The following PARD3B variants were observed in gnomAD, a reference collection of about 807,000 sequenced individuals.
PARD3B encodes partitioning defective 3 homolog B.
A neutral mutation model predicts 130.2 loss-of-function variants in PARD3B; 103 were observed. The observed-to-expected ratio is 0.79, with a 90% CI of 0.67 to 0.93. PARD3B has a LOEUF of 0.93. Among genes scored for constraint, PARD3B ranks in the 40% least tolerant of loss-of-function variants. PARD3B has a pLI of 0.00. For missense variants in PARD3B, 1,609 were observed against 1,499.2 expected, an observed-to-expected ratio of 1.07 and a Z score of -1.21; for synonymous variants, 583 against 553.2, an observed-to-expected ratio of 1.05 and a Z score of -0.76.
At chr2:205,135,079 A>G (rs1347343189) in intron 10 of PARD3B, among the ~76,000 whole-genome samples, 2 of 152,184 alleles carry the variant, frequency 1.3e-5, no homozygotes, top group African/African-American at 4.8e-5. Flanking sequence ...GGCTATGATT[A>G]TGCTTCTGGA....
chr2:205,187,048 G>A lies in PARD3B; in HGVS notation c.2024+1185G>A, dbSNP rs57248073. 0.045 allele frequency among the ~76,000 whole-genome samples: 6,776 copies of A among 152,238 alleles called. 457 individuals are homozygous for A. Among genetic ancestry groups the A allele is most frequent in the African/African-American group, 0.15 (6,331 of 41,514 alleles). Reference sequence around the variant, plus strand: ...AGGCTGACAGGTAGGCTCATGGGACGACTGGAACACAAGGGTTCCAAGTGA... The same window carrying A: ...AGGCTGACAGGTAGGCTCATGGGACAACTGGAACACAAGGGTTCCAAGTGA... On this transcript the variant is annotated intron_variant, in intron 14 of 22. Transcript: ENST00000406610. The surrounding 1 kb of genome is among the most constrained non-coding windows in gnomAD (Gnocchi z 4.9).
At chr2:205,298,815 G>T (rs1279389026) in intron 16 of PARD3B, among the ~76,000 whole-genome samples, 1 of 152,170 alleles carries the variant, frequency 6.6e-6, no homozygotes, top group African/African-American at 2.4e-5. Context: ...AATAGAGGGT[G>T]CAGAGCAAAT....
chr2:205,162,302 G>C (rs1437760886), intron 11 of PARD3B, among the ~76,000 whole-genome samples: 1 of 152,204 alleles, frequency 6.6e-6, no homozygotes, highest in African/African-American at 2.4e-5. Flanking sequence ...AAACTCTTCT[G>C]TGCATGCATC....
chr2:205,352,547 T>A lies in PARD3B; in HGVS notation c.2631-48466T>A, dbSNP rs1282382503. Among the ~76,000 whole-genome samples the A allele has an allele frequency of 6.6e-6, 1 of 152,194 alleles. No individual in the cohort carries two copies. Among genetic ancestry groups the A allele is most frequent in the Non-Finnish European group, 1.5e-5 (1 of 68,030 alleles). On this transcript the variant is annotated intron_variant, in intron 18 of 22. Coordinates refer to ENST00000406610, the MANE Select transcript of PARD3B (RefSeq NM_001302769.2). The surrounding 1 kb of genome is among the most constrained non-coding windows in gnomAD (Gnocchi z 5.2). ...AGGAGAAGAGACTATTTGCTTTGAT[T>A]TACATCTATATCACCTTCAATTTAA...
At chr2:205,570,642 A>G (rs1271124070) in intron 22 of PARD3B, among the ~76,000 whole-genome samples, 1 of 152,182 alleles carries the variant, frequency 6.6e-6, no homozygotes, top group Non-Finnish European at 1.5e-5. Flanking sequence ...CCCACAAAGC[A>G]GGTTGAATGG....
intron 15 of PARD3B, among the ~76,000 whole-genome samples, chr2:205,232,924 A>T (rs1401484046): frequency 6.6e-6 from 1 of 152,208 alleles, no homozygotes; most frequent in African/African-American, 2.4e-5. Context: ...ATGTAATTGG[A>T]TTCACCAAAT....
chr2:205,237,344 C>T (rs1318165396), intron 15 of PARD3B, among the ~76,000 whole-genome samples: 4 of 152,112 alleles, frequency 2.6e-5, no homozygotes, highest in African/African-American at 7.2e-5. Context: ...TCAGATGATC[C>T]ACCCGACTCG....
At chr2:204,983,352 C>T (rs1048793652) in intron 3 of PARD3B, among the ~76,000 whole-genome samples, 3 of 144,742 alleles carry the variant, frequency 2.1e-5, no homozygotes, top group South Asian at 2.1e-4. Flanking sequence ...AGGTTCCAAC[C>T]GAGGCTTTAA....
At chr2:204,777,235 A>AT (rs909313090) in intron 2 of PARD3B, among the ~76,000 whole-genome samples, 18 of 151,978 alleles carry the variant, frequency 1.2e-4, no homozygotes, top group Admixed American at 9.2e-4. Flanking sequence ...TAGACAGATC[A>AT]TTTTTTTTCC....
chr2:205,115,997 A>G (rs1575830367), intron 6 of PARD3B, among the ~76,000 whole-genome samples: 1 of 152,088 alleles, frequency 6.6e-6, no homozygotes, highest in Non-Finnish European at 1.5e-5. Flanking sequence ...ACCTAATCTA[A>G]GTTAGATCAT....
chr2:204,737,925 A>G (rs1396839731), intron 2 of PARD3B, among the ~76,000 whole-genome samples: 1 of 152,090 alleles, frequency 6.6e-6, no homozygotes, highest in Non-Finnish European at 1.5e-5. Flanking sequence ...CCATAGATCT[A>G]TGTGCCTACT....
At chr2:205,237,824 A>C (rs1177878665) in intron 15 of PARD3B, among the ~76,000 whole-genome samples, 1 of 152,118 alleles carries the variant, frequency 6.6e-6, no homozygotes, top group African/African-American at 2.4e-5. Flanking sequence ...TCAAAATACA[A>C]GTGAATTATA....
At chr2:204,961,361 A>G (rs1690729689) in intron 2 of PARD3B, among the ~76,000 whole-genome samples, 1 of 152,102 alleles carries the variant, frequency 6.6e-6, no homozygotes, top group Non-Finnish European at 1.5e-5. Context: ...AGTGTATGGG[A>G]GACAGAGCAA....
chr2:204,824,927 C>T (rs1328474924), intron 2 of PARD3B, among the ~76,000 whole-genome samples: 1 of 152,044 alleles, frequency 6.6e-6, no homozygotes, highest in Non-Finnish European at 1.5e-5. Context: ...ATGCTCTGGG[C>T]GGCGTATGTG....
intron 1 of PARD3B, among the ~76,000 whole-genome samples, chr2:204,674,024 G>A (rs10184096): frequency 0.014 from 2,070 of 152,108 alleles, 42 homozygotes; most frequent in African/African-American, 0.048. Context: ...TATACCCTGA[G>A]CCCGTCCCCC....
chr2:204,565,374 T>C (rs1032525146), intron 1 of PARD3B, among the ~76,000 whole-genome samples: 2 of 152,226 alleles, frequency 1.3e-5, no homozygotes, highest in African/African-American at 4.8e-5. Context: ...CAATGAAATA[T>C]TCATACTCCA....
chr2:205,328,007 A>G (rs913562096), intron 18 of PARD3B, among the ~76,000 whole-genome samples: 21 of 152,184 alleles, frequency 1.4e-4, no homozygotes, highest in Admixed American at 1.2e-3. Flanking sequence ...CATTACGTAT[A>G]GGGATCAAGC....
chr2:205,350,280 T>G (rs1365774595), intron 18 of PARD3B, among the ~76,000 whole-genome samples: 2 of 152,230 alleles, frequency 1.3e-5, no homozygotes, highest in Non-Finnish European at 2.9e-5. Flanking sequence ...GTACTCAATC[T>G]TATTGCCAAT....
intron 3 of PARD3B, among the ~76,000 whole-genome samples, chr2:204,985,637 G>T (rs1693069202): frequency 6.6e-6 from 1 of 152,136 alleles, no homozygotes; most frequent in African/African-American, 2.4e-5. Flanking sequence ...GTGGCAGAGG[G>T]CCCACCTCAG....
Sources: gnomAD v4.1 joint callset for allele counts (sites outside exome capture counted in the v4.1 genomes callset) on GRCh38, gnomAD v4.1.1 for gene constraint, Gnocchi (gnomAD v3.1) non-coding constraint, MANE v1.5 for transcripts, NCBI Gene and HGNC (gene_info 2026-07-23, HGNC 2026-07-21) for gene names.